Variants in LRRC31 observed in about 807,000 individuals in gnomAD.
The protein encoded by LRRC31 is leucine-rich repeat-containing protein 31.
Under a neutral mutation model 46.7 loss-of-function variants are expected in LRRC31, and 35 were observed. The ratio of observed to expected loss-of-function variants is 0.75; its 90% CI spans 0.57 to 0.99. The LOEUF is 0.99. LRRC31 is among the 50% of genes least tolerant of loss of function. The pLI is 0.00. For synonymous variants in LRRC31, 236 were observed against 235.1 expected, an observed-to-expected ratio of 1.00 and a Z score of -0.03; for missense variants, 613 against 626.1, an observed-to-expected ratio of 0.98 and a Z score of 0.22.
chr3:169,860,219 T>C (rs954849458), intron 3 of LRRC31, among the ~76,000 whole-genome samples: 2 of 151,914 alleles, frequency 1.3e-5, no homozygotes, highest in Non-Finnish European at 2.9e-5. Flanking sequence ...GTTCTTTTTT[T>C]TCTTTTCTTT....
Position 169,839,292 on chromosome 3 carries a change from T to G in LRRC31, c.*690A>C, listed in dbSNP as rs1173749591. Reference sequence around the variant, plus strand: ...TTTTAATTTATTCTAACAAGATATGTTTTTCATACTGAGTTTTAGATTTTT... The same window carrying G: ...TTTTAATTTATTCTAACAAGATATGGTTTTCATACTGAGTTTTAGATTTTT... On this transcript the variant is annotated 3_prime_UTR_variant, in exon 9 of 9. Transcript: ENST00000316428. 6.6e-6 allele frequency: 1 copy of G among 152,222 alleles called. No homozygotes were observed. The highest frequency in any genetic ancestry group is 1.5e-5 in the Non-Finnish European group (1 of 68,032). The allele number at this position is 152,222 out of a possible 1,614,324, so 9.4% of individuals were successfully genotyped here.
At chr3:169,865,173 C>T (rs901855290) in intron 1 of LRRC31, among the ~76,000 whole-genome samples, 8 of 150,688 alleles carry the variant, frequency 5.3e-5, no homozygotes, top group Non-Finnish European at 1.0e-4. Flanking sequence ...ATCTCTTGAA[C>T]CCGGGAGGTG....
chr3:169,859,870 C>A (rs1003735922), intron 3 of LRRC31, among the ~76,000 whole-genome samples: 1 of 152,094 alleles, frequency 6.6e-6, no homozygotes, highest in East Asian at 1.9e-4. Flanking sequence ...AGGCTGGACA[C>A]GGTGGCTCAC....
At chr3:169,860,894 T>C (rs1011891878) in intron 2 of LRRC31, among the ~76,000 whole-genome samples, 166 bp from the exon 3 acceptor site, 3 of 152,122 alleles carry the variant, frequency 2.0e-5, no homozygotes, top group Non-Finnish European at 4.4e-5. Flanking sequence ...GCTGTACAAG[T>C]GGAGAAATTG....
chr3:169,854,995 A>G lies in LRRC31; in HGVS notation c.824-15T>C. 2.5e-6 allele frequency: 4 copies of G among 1,602,138 alleles called. No individual in the cohort carries two copies. Among genetic ancestry groups the G allele is most frequent in the South Asian group, 1.1e-5 (1 of 90,912 alleles). ...AAAAGCAGCATCTACAAAGAAAGTC[A>G]GAATCCCATTCTGGTAGCTGGACAC... On this transcript the variant is annotated splice_polypyrimidine_tract_variant and intron_variant, in intron 5 of 8. Transcript: ENST00000316428.
intron 6 of LRRC31, among the ~76,000 whole-genome samples, chr3:169,852,424 A>C (rs1220196452): frequency 6.0e-5 from 9 of 150,612 alleles, no homozygotes; most frequent in African/African-American, 1.7e-4. Flanking sequence ...AAAAAAAAAA[A>C]AAAAAAACTC....
At chr3:169,868,921 G>A (rs1486049469) in intron 1 of LRRC31, among the ~76,000 whole-genome samples, 5 of 152,106 alleles carry the variant, frequency 3.3e-5, no homozygotes, top group Admixed American at 6.6e-5. Flanking sequence ...TGGTGGGGGA[G>A]GTGTGGATGG....
chr3:169,860,756 T>C (rs1280578428), intron 2 of LRRC31, 28 bp from the exon 3 acceptor site: 1 of 1,600,354 alleles, frequency 6.2e-7, no homozygotes, highest in Non-Finnish European at 8.6e-7. Context: ...AAAATACAGA[T>C]ATGTGTATGT....
chr3:169,853,836 C>A (rs1240060650), intron 6 of LRRC31: 2 of 418,764 alleles, frequency 4.8e-6, no homozygotes, highest in Non-Finnish European at 6.4e-6. Context: ...CAGAAACTTA[C>A]TTTTATTCTC....
chr3:169,856,560 A>G lies in LRRC31; in HGVS notation c.656-57T>C, dbSNP rs190247983. 7,051 of 1,438,072 alleles carry G rather than the reference A, an allele frequency of 4.9e-3. 259 individuals are homozygous for G. In the African/African-American group the frequency reaches 0.086, roughly 18 times the overall value. The allele number at this position is 1,438,072 out of a possible 1,614,324, so 89.1% of individuals were successfully genotyped here. A position where few individuals can be genotyped will look rare whatever the true frequency, so the allele number is the denominator to read the frequency against. On this transcript the variant is annotated intron_variant, in intron 4 of 8. Coordinates refer to ENST00000316428, the MANE Select transcript of LRRC31 (RefSeq NM_024727.4). ...AGGTAGGAGGGGAGTGGAGTTTTAC[A>G]TCACCTGGGGATATCGTGACGTAAA...
chr3:169,845,870 A>T (rs1780589108), intron 8 of LRRC31, among the ~76,000 whole-genome samples: 1 of 152,168 alleles, frequency 6.6e-6, no homozygotes, highest in South Asian at 2.1e-4. Flanking sequence ...CAAAACTGAA[A>T]GCTTTGATCT....
chr3:169,867,038 G>GTTTTTTTTTTTTTTTTTTTTTTTTTTTT, intron 1 of LRRC31, among the ~76,000 whole-genome samples: 1 of 126,314 alleles, frequency 7.9e-6, no homozygotes. Flanking sequence ...TTGGCCATGG[G>GTTTTTTTTTTTTTTTTTTTTTTTTTTTT]TTTTTTTTGT....
At chr3:169,841,079 A>G (rs1020615351) in intron 8 of LRRC31, among the ~76,000 whole-genome samples, 1 of 152,180 alleles carries the variant, frequency 6.6e-6, no homozygotes, top group Admixed American at 6.5e-5. Flanking sequence ...CCTAATCAAT[A>G]ATCAGAGAGA....
intron 3 of LRRC31, 109 bp from the exon 4 acceptor site, chr3:169,856,981 T>A: frequency 9.5e-7 from 1 of 1,052,610 alleles, no homozygotes. Flanking sequence ...CTGGGCCAGG[T>A]ACTGTCCTGT....
At chr3:169,852,501 T>C (rs1780818416) in intron 6 of LRRC31, among the ~76,000 whole-genome samples, 1 of 151,952 alleles carries the variant, frequency 6.6e-6, no homozygotes, top group African/African-American at 2.4e-5. Context: ...AAGTGCTTGG[T>C]ATAGTGCCTG....
Position 169,856,451 on chromosome 3 carries a change from GTTAA to G in LRRC31, c.704_707del (p.Ile235ThrfsTer8), listed in dbSNP as rs1314996813. 6.2e-7 allele frequency: 1 copy of G among 1,605,716 alleles called. No homozygotes were observed. The highest frequency in any genetic ancestry group is 1.7e-5 in the Admixed American group (1 of 58,916). The stretch of plus-strand genomic sequence containing the variant: ...TGTTCAGACTGCCAACAATGTCTCT[GTTAA>G]TGGAAAGATCAAGTACTTCGAGACT... On this transcript the variant is annotated frameshift_variant, in exon 5 of 9. Transcript: ENST00000316428. LOFTEE classifies it high-confidence loss of function.
intron 1 of LRRC31, among the ~76,000 whole-genome samples, chr3:169,867,246 C>CTT (rs757102934): frequency 1.4e-3 from 114 of 78,746 alleles, no homozygotes; most frequent in Non-Finnish European, 1.9e-3. Context: ...GAGATGGAGT[C>CTT]TTTTTTTTTT....
chr3:169,857,415 C>CATATATACACATATATATATATATAT (rs144038208), intron 3 of LRRC31, among the ~76,000 whole-genome samples: 1 of 98,674 alleles, frequency 1.0e-5, no homozygotes, highest in African/African-American at 3.6e-5. Flanking sequence ...TATACATATA[C>CATATATACACATATATATATATATAT]ATATATATAT....
At chr3:169,853,635 T>C in intron 6 of LRRC31, 2 of 985,868 alleles carry the variant, frequency 2.0e-6, no homozygotes. Context: ...GAACCCATAA[T>C]GCTCCACGCA....
Sources: gnomAD v4.1 joint callset for allele counts (sites outside exome capture counted in the v4.1 genomes callset) on GRCh38, gnomAD v4.1.1 for gene constraint, MANE v1.5 for transcripts, NCBI Gene and HGNC (gene_info 2026-07-23, HGNC 2026-07-21) for gene names.